The following LARGE1 variants were observed in gnomAD, a reference collection of about 807,000 sequenced individuals.
LARGE1 encodes xylosyl- and glucuronyltransferase LARGE1.
In LARGE1, 43 loss-of-function variants were observed where a neutral mutation model predicts 87.6. That is an observed-to-expected ratio of 0.49 (90% CI 0.38 to 0.63). The LOEUF (loss-of-function observed/expected upper bound fraction) is 0.63, where lower values mean the gene tolerates loss of function less well. Ranked by LOEUF, LARGE1 falls within the 30% of genes least tolerant of loss-of-function variation. The pLI is 0.00. For missense variants in LARGE1, 802 were observed against 1,000.2 expected (o/e 0.80, Z 2.67); for synonymous variants, 434 against 394.6 (o/e 1.10, Z -1.18).
chr22:33,661,985 T>C (rs2081136825), intron 2 of LARGE1, among the ~76,000 whole-genome samples: 1 of 144,636 alleles, frequency 6.9e-6, no homozygotes, highest in Non-Finnish European at 1.5e-5. Context: ...AGCAGGGGTG[T>C]CCAATCTTTT....
At chr22:33,831,365 C>G (rs532219516) in intron 1 of LARGE1, among the ~76,000 whole-genome samples, 31 of 152,302 alleles carry the variant, frequency 2.0e-4, no homozygotes, top group South Asian at 1.4e-3. Flanking sequence ...ATGCACCCCC[C>G]CTCTGCTTTG....
At chr22:33,165,251 G>A (rs867977304) in exon 12 of LARGE1, 2 of 152,266 alleles carry the variant, frequency 1.3e-5, no homozygotes, top group South Asian at 4.1e-4. Flanking sequence ...TATGATTAAG[G>A]AAAAACCTTG....
At chr22:33,571,272 T>C (rs2078195654) in intron 5 of LARGE1, among the ~76,000 whole-genome samples, 1 of 152,212 alleles carries the variant, frequency 6.6e-6, no homozygotes, top group Admixed American at 6.5e-5. Flanking sequence ...AAGGGAAATC[T>C]GCCTTCTTGA....
chr22:33,209,037 T>G (rs1371252711), intron 11 of LARGE1, among the ~76,000 whole-genome samples: 1 of 152,216 alleles, frequency 6.6e-6, no homozygotes, highest in East Asian at 1.9e-4. Flanking sequence ...AATATACAGG[T>G]GCATGTGTTT....
At position 33,476,966 on chromosome 22, in the gene LARGE1, G is replaced by A. The variant is rs145214321; in HGVS notation, c.788-44701C>T. On this transcript the variant is annotated intron_variant, in intron 6 of 14. Coordinates refer to ENST00000397394, the MANE Select transcript of LARGE1 (RefSeq NM_133642.5). ...CGGCTCGGTGACAATTGCTGGAATC[G>A]AAGGACAGTGGGGAGCCTTCTGAGC... Among the ~76,000 whole-genome samples, 27 of 152,298 alleles carry A rather than the reference G, an allele frequency of 1.8e-4. No individual in the cohort carries two copies. The East Asian group carries it at 1.9e-3, about 11-fold the overall frequency.
intron 1 of LARGE1, among the ~76,000 whole-genome samples, chr22:33,812,350 T>C (rs1053541058): frequency 7.9e-5 from 12 of 152,218 alleles, no homozygotes; most frequent in African/African-American, 2.7e-4. Flanking sequence ...TGACAGTCAC[T>C]TGGCTTCATT....
chr22:33,330,014 A>AC (rs532593120), intron 10 of LARGE1, among the ~76,000 whole-genome samples: 92 of 152,156 alleles, frequency 6.0e-4, no homozygotes, highest in African/African-American at 1.9e-3. Flanking sequence ...GAACAACAAA[A>AC]AAAAACCCAA....
chr22:33,659,072 G>A (rs774164753), intron 2 of LARGE1, among the ~76,000 whole-genome samples: 4 of 152,114 alleles, frequency 2.6e-5, no homozygotes, highest in East Asian at 1.9e-4. Context: ...CCTCGGCATC[G>A]CCCTGCTTCC....
At chr22:33,581,263 C>T (rs1284094208) in intron 5 of LARGE1, among the ~76,000 whole-genome samples, 1 of 152,102 alleles carries the variant, frequency 6.6e-6, no homozygotes, top group East Asian at 1.9e-4. Context: ...CTTCTAACAC[C>T]AGTACCTAAT....
At chr22:33,903,910 G>A (rs2065358815) in intron 1 of LARGE1, among the ~76,000 whole-genome samples, 1 of 152,202 alleles carries the variant, frequency 6.6e-6, no homozygotes, top group Non-Finnish European at 1.5e-5. Flanking sequence ...TCAATGGGCG[G>A]ATGAGTATCC....
chr22:33,334,597 T>C (rs1219922395), intron 10 of LARGE1, among the ~76,000 whole-genome samples: 1 of 152,074 alleles, frequency 6.6e-6, no homozygotes, highest in Non-Finnish European at 1.5e-5. Context: ...ACGAAAGCCC[T>C]ATGGTGAGCC....
Position 33,173,573 on chromosome 22 carries a change from C to T in LARGE1, c.1731-6741G>A, listed in dbSNP as rs1432663636. ...AATTAGATAAAGAGTGAAGACTCAT[C>T]ATGCTGTATTCAGGAGACCCATCTC... On this transcript the variant is annotated intron_variant, in intron 11 of 11. Transcript: ENST00000608642. Among the ~76,000 whole-genome samples, 3 of 151,806 alleles carry T rather than the reference C, an allele frequency of 2.0e-5. No homozygotes were observed. The East Asian group carries it at 5.8e-4, about 29-fold the overall frequency.
rs781697127 is a variant in LARGE1, at chr22:33,381,939, T to C, written c.1111A>G (p.Arg371Gly). ...SDHTRSEQCY[R>G]DVSDLKVIHW... Reference sequence around the variant, plus strand: ...CCTACCTTTAGATCAGACACGTCTCTGTAGCACTGCTCGGAGCGGGTGTGG... The same window carrying C: ...CCTACCTTTAGATCAGACACGTCTCCGTAGCACTGCTCGGAGCGGGTGTGG... The change falls in exon 9 of 15, where the codon AGA (arginine) becomes GGA (glycine). Residue 371 changes from arginine to glycine, a missense_variant. Coordinates refer to ENST00000397394, the MANE Select transcript of LARGE1 (RefSeq NM_133642.5). 1 of 1,614,136 alleles carries C rather than the reference T, an allele frequency of 6.2e-7. No homozygotes were observed. The highest frequency in any genetic ancestry group is 8.5e-7 in the Non-Finnish European group (1 of 1,180,000).
intron 11 of LARGE1, among the ~76,000 whole-genome samples, chr22:33,244,162 T>G (rs553072959): frequency 9.2e-5 from 14 of 151,800 alleles, no homozygotes; most frequent in Non-Finnish European, 1.6e-4. Flanking sequence ...CTAATTTTTT[T>G]TTTTTTGTAT....
rs75204321 is a variant in LARGE1, at chr22:33,386,038, T to A, written c.893-1734A>T. Reference sequence around the variant, plus strand: ...TGGCCAGGTGGAGTTGGAAAAAAAATAGTATCTATATGGCTATGGGAAGAT... The same window carrying A: ...TGGCCAGGTGGAGTTGGAAAAAAAAAAGTATCTATATGGCTATGGGAAGAT... On this transcript the variant is annotated intron_variant, in intron 7 of 14. Coordinates refer to ENST00000397394, the MANE Select transcript of LARGE1 (RefSeq NM_133642.5). Among the ~76,000 whole-genome samples, 808 of 148,456 alleles carry A rather than the reference T, an allele frequency of 5.4e-3. 40 individuals carry two copies. Among genetic ancestry groups the A allele is most frequent in the African/African-American group, 0.018 (744 of 40,996 alleles).
chr22:33,719,497 ATATTTATTTATTTATTTATT>A (rs56236034), intron 2 of LARGE1, among the ~76,000 whole-genome samples: 1 of 145,104 alleles, frequency 6.9e-6, no homozygotes, highest in Non-Finnish European at 1.5e-5. Flanking sequence ...CATCTATACC[ATATTTATTTATTTATTTATT>A]TATTTATTTA....
At chr22:33,480,041 G>C (rs895982605) in intron 6 of LARGE1, among the ~76,000 whole-genome samples, 3 of 152,090 alleles carry the variant, frequency 2.0e-5, no homozygotes, top group African/African-American at 7.2e-5. Flanking sequence ...CACTGTGCCC[G>C]GCAAGAATGC....
intron 1 of LARGE1, among the ~76,000 whole-genome samples, chr22:33,779,566 G>A (rs1205057299): frequency 6.6e-6 from 1 of 151,986 alleles, no homozygotes; most frequent in South Asian, 2.1e-4. Context: ...GATCACCAGA[G>A]GTCAAGAGTT....
the LARGE1 span, among the ~76,000 whole-genome samples, chr22:33,106,656 C>T: frequency 6.6e-6 from 1 of 152,136 alleles, no homozygotes; most frequent in African/African-American, 2.4e-5. Flanking sequence ...CCACCATGCC[C>T]AGCTAATTTT....
Sources: allele counts gnomAD v4.1 joint callset (sites outside exome capture counted in the v4.1 genomes callset), GRCh38; gene constraint gnomAD v4.1.1; transcripts MANE v1.5; gene names NCBI Gene and HGNC (gene_info 2026-07-23, HGNC 2026-07-21).